The following SNX9 variants were observed in gnomAD, a reference collection of about 807,000 sequenced individuals.
The protein encoded by SNX9 is sorting nexin-9.
A neutral mutation model predicts 89.4 loss-of-function variants in SNX9; 44 were observed. The observed-to-expected ratio is 0.49, with a 90% CI of 0.39 to 0.63. The LOEUF is 0.63. SNX9 is among the 30% of genes least tolerant of loss of function. SNX9 has a pLI of 0.00. For missense variants in SNX9, 578 were observed against 736.1 expected, an observed-to-expected ratio of 0.79 and a Z score of 2.49; for synonymous variants, 236 against 247.8, an observed-to-expected ratio of 0.95 and a Z score of 0.45.
chr6:157,927,282 GC>G, intron 11 of SNX9, 68 bp downstream of exon 11: 1 of 1,119,052 alleles, frequency 8.9e-7, no homozygotes. Flanking sequence ...TCAGGCTTCA[GC>G]CAGTGTAGCC....
intron 10 of SNX9, among the ~76,000 whole-genome samples, chr6:157,925,600 A>G (rs1583241334): frequency 6.6e-6 from 1 of 152,086 alleles, no homozygotes; most frequent in African/African-American, 2.4e-5. Flanking sequence ...GGGATTACTC[A>G]TAAAGTAGAA....
chr6:157,915,667 ACAC>A (rs1783452427), intron 9 of SNX9, among the ~76,000 whole-genome samples: 1 of 139,016 alleles, frequency 7.2e-6, no homozygotes, highest in Non-Finnish European at 1.6e-5. Context: ...ACACACACAC[ACAC>A]AAAAATTAGC....
chr6:157,837,963 T>C (rs1781617488), intron 1 of SNX9, among the ~76,000 whole-genome samples: 1 of 152,216 alleles, frequency 6.6e-6, no homozygotes, highest in Non-Finnish European at 1.5e-5. Context: ...TTATTATGCA[T>C]GAACATCAAG....
At chr6:157,927,841 C>G (rs994653832) in intron 11 of SNX9, among the ~76,000 whole-genome samples, 1 of 150,938 alleles carries the variant, frequency 6.6e-6, no homozygotes, top group East Asian at 1.9e-4. Context: ...ATTCTCCTGC[C>G]TCAGCCTCTC....
intron 3 of SNX9, among the ~76,000 whole-genome samples, chr6:157,873,539 ATC>A (rs34905892): frequency 0.13 from 18,652 of 147,584 alleles, 1,907 homozygotes; most frequent in African/African-American, 0.28. Flanking sequence ...ATCTCAATAT[ATC>A]TGTTAATATA....
chr6:157,829,233 A>G (rs968782221), intron 1 of SNX9: 3 of 152,168 alleles, frequency 2.0e-5, no homozygotes, highest in Non-Finnish European at 2.9e-5. Context: ...AACAAGCTTC[A>G]TATTTCTGAG....
At chr6:157,906,490 T>C (rs9365568) in intron 7 of SNX9, among the ~76,000 whole-genome samples, 32,904 of 152,064 alleles carry the variant, frequency 0.22, 3,622 homozygotes, top group Non-Finnish European at 0.23. Flanking sequence ...TGAAGTGTAT[T>C]TTACATAGTT....
intron 2 of SNX9, among the ~76,000 whole-genome samples, chr6:157,868,753 T>A (rs896486484): frequency 2.6e-5 from 4 of 152,236 alleles, no homozygotes; most frequent in African/African-American, 9.6e-5. Context: ...ATTAATAGTA[T>A]TTCATTGCAG....
intron 4 of SNX9, chr6:157,885,407 C>T (rs1016144397): frequency 6.6e-6 from 1 of 152,182 alleles, no homozygotes; most frequent in African/African-American, 2.4e-5. Context: ...AAGAACAAAA[C>T]AGGAAACTTG....
At chr6:157,928,074 T>C (rs1783733560) in intron 11 of SNX9, among the ~76,000 whole-genome samples, 1 of 152,220 alleles carries the variant, frequency 6.6e-6, no homozygotes, top group Admixed American at 6.5e-5. Context: ...GACCTCACAC[T>C]AGACATTTTG....
chr6:157,827,481 A>T (rs193207424), intron 1 of SNX9, among the ~76,000 whole-genome samples: 1,405 of 22,864 alleles, frequency 0.061, 471 homozygotes, highest in Non-Finnish European at 0.071. Context: ...AGTTTATATA[A>T]TATATAAACT....
At chr6:157,879,205 C>T (rs966517084) in intron 4 of SNX9, among the ~76,000 whole-genome samples, 1 of 152,204 alleles carries the variant, frequency 6.6e-6, no homozygotes, top group Non-Finnish European at 1.5e-5. Context: ...TGGGCAAGAA[C>T]GTTTCCTACG....
intron 2 of SNX9, among the ~76,000 whole-genome samples, chr6:157,870,463 G>C (rs552047549): frequency 2.7e-5 from 4 of 149,378 alleles, no homozygotes; most frequent in African/African-American, 9.9e-5. Context: ...ACTCACCCGT[G>C]CAAGCACATA....
At chr6:157,826,191 T>C (rs1275556328) in intron 1 of SNX9, among the ~76,000 whole-genome samples, 1 of 152,116 alleles carries the variant, frequency 6.6e-6, no homozygotes, top group Non-Finnish European at 1.5e-5. Flanking sequence ...AGTTTGACAG[T>C]CCTTCACTGC....
intron 1 of SNX9, among the ~76,000 whole-genome samples, chr6:157,866,298 T>A (rs574994455): frequency 3.3e-5 from 5 of 152,272 alleles, no homozygotes; most frequent in Admixed American, 2.0e-4. Flanking sequence ...AAAATTTCAT[T>A]TAGGGCTGGT....
At chr6:157,850,452 C>G (rs1386649045) in intron 1 of SNX9, among the ~76,000 whole-genome samples, 1 of 152,172 alleles carries the variant, frequency 6.6e-6, no homozygotes. Flanking sequence ...GGGTTAAACA[C>G]TAATGGGAAG....
At chr6:157,906,658 C>G (rs1783223655) in intron 7 of SNX9, among the ~76,000 whole-genome samples, 1 of 152,098 alleles carries the variant, frequency 6.6e-6, no homozygotes, top group Non-Finnish European at 1.5e-5. Context: ...AACCAGCTGT[C>G]AAATTGAGAT....
At chr6:157,826,583 C>A (rs1453785316) in intron 1 of SNX9, among the ~76,000 whole-genome samples, 6 of 149,434 alleles carry the variant, frequency 4.0e-5, no homozygotes, top group Non-Finnish European at 7.4e-5. Flanking sequence ...ACTCCTTACT[C>A]AGTAGAGTGC....
chr6:157,857,191 T>G (rs925629253), intron 1 of SNX9, among the ~76,000 whole-genome samples: 1 of 152,228 alleles, frequency 6.6e-6, no homozygotes, highest in African/African-American at 2.4e-5. Context: ...CTATTGATGC[T>G]TGTATTCTTC....
Sources: gnomAD v4.1 joint callset for allele counts (sites outside exome capture counted in the v4.1 genomes callset) on GRCh38, gnomAD v4.1.1 for gene constraint, MANE v1.5 for transcripts, NCBI Gene and HGNC (gene_info 2026-07-23, HGNC 2026-07-21) for gene names.